The following NBAS variants were observed in gnomAD, a reference collection of about 807,000 sequenced individuals.
The protein encoded by NBAS is NAG/BC035112 fusion.
Under a neutral mutation model 302.5 loss-of-function variants are expected in NBAS, and 219 were observed. That is an observed-to-expected ratio of 0.72 (90% CI 0.65 to 0.81). The LOEUF (loss-of-function observed/expected upper bound fraction) is 0.81. Among genes scored for constraint, NBAS ranks in the 30% least tolerant of loss-of-function variants. The pLI is 0.00. For missense variants in NBAS, 2,932 were observed against 2,841.6 expected, an observed-to-expected ratio of 1.03 and a Z score of -0.72; for synonymous variants, 1,118 against 1,021.6, an observed-to-expected ratio of 1.09 and a Z score of -1.80.
chr2:15,208,166 T>C (rs1666232297), intron 48 of NBAS, among the ~76,000 whole-genome samples: 1 of 152,208 alleles, frequency 6.6e-6, no homozygotes, highest in South Asian at 2.1e-4. Context: ...CAGTTCCATG[T>C]GGCTGGGAAG....
At chr2:15,124,482 A>G in the NBAS span, among the ~76,000 whole-genome samples, 1 of 152,256 alleles carries the variant, frequency 6.6e-6, no homozygotes, top group Admixed American at 6.5e-5. Flanking sequence ...CACTTGCTAG[A>G]GAGATTAGCA....
intron 6 of NBAS, among the ~76,000 whole-genome samples, chr2:15,547,265 TAAC>T (rs1467059801): frequency 6.6e-6 from 1 of 152,234 alleles, no homozygotes; most frequent in African/African-American, 2.4e-5. Flanking sequence ...AAAAATGCAT[TAAC>T]AACAATCTGG....
chr2:15,502,152 G>C (rs151315237), intron 11 of NBAS, among the ~76,000 whole-genome samples: 1 of 152,274 alleles, frequency 6.6e-6, no homozygotes, highest in Admixed American at 6.5e-5. Context: ...ACACATCTCT[G>C]ACACTGGATA....
At chr2:15,447,097 C>T (rs1028145925) in intron 21 of NBAS, among the ~76,000 whole-genome samples, 1 of 152,074 alleles carries the variant, frequency 6.6e-6, no homozygotes, top group African/African-American at 2.4e-5. Flanking sequence ...GACATGTGAA[C>T]AAATGAAAAT....
At chr2:15,145,752 G>A in the NBAS span, among the ~76,000 whole-genome samples, 3 of 152,124 alleles carry the variant, frequency 2.0e-5, no homozygotes, top group East Asian at 5.8e-4. Context: ...CAGTAGCCTC[G>A]GCAGCACCTG....
the NBAS span, among the ~76,000 whole-genome samples, chr2:15,108,561 T>C: frequency 2.7e-3 from 404 of 152,246 alleles, 2 homozygotes; most frequent in Non-Finnish European, 4.3e-3. Flanking sequence ...CCAGGAAAGA[T>C]TGTGACCAAG....
the NBAS span, among the ~76,000 whole-genome samples, chr2:15,074,672 A>G: frequency 6.6e-6 from 1 of 152,090 alleles, no homozygotes; most frequent in African/African-American, 2.4e-5. Context: ...AAAAACATAA[A>G]CAAAACCAAA....
intron 48 of NBAS, among the ~76,000 whole-genome samples, chr2:15,203,287 T>G (rs1665969031): frequency 6.6e-6 from 1 of 152,166 alleles, no homozygotes; most frequent in Admixed American, 6.5e-5. Flanking sequence ...CCACTTTGAG[T>G]CTATTTCCTT....
the NBAS span, among the ~76,000 whole-genome samples, chr2:14,869,258 A>C: frequency 6.6e-6 from 1 of 152,144 alleles, no homozygotes; most frequent in African/African-American, 2.4e-5. Context: ...AGAGCTGCTC[A>C]GAAGTGTGAG....
At chr2:14,969,730 G>A in the NBAS span, among the ~76,000 whole-genome samples, 5 of 152,038 alleles carry the variant, frequency 3.3e-5, no homozygotes, top group Non-Finnish European at 4.4e-5. Flanking sequence ...ATTAGTAAAC[G>A]GTGCTGGAAA....
At chr2:15,387,083 A>G (rs991593797) in intron 28 of NBAS, among the ~76,000 whole-genome samples, 1 of 147,404 alleles carries the variant, frequency 6.8e-6, no homozygotes, top group Admixed American at 6.7e-5. Context: ...TAAAGTATTA[A>G]TTTTTTTTTT....
chr2:15,463,179 T>A (rs1002734494), intron 19 of NBAS, among the ~76,000 whole-genome samples: 122 of 152,160 alleles, frequency 8.0e-4, no homozygotes, highest in African/African-American at 2.9e-3. Flanking sequence ...GAGACTGAGA[T>A]GGGAGGACAG....
At chr2:15,428,439 GA>G (rs1191094049) in intron 21 of NBAS, among the ~76,000 whole-genome samples, 1 of 152,192 alleles carries the variant, frequency 6.6e-6, no homozygotes, top group Non-Finnish European at 1.5e-5. Context: ...ACAACAGAAA[GA>G]AAATCTAGGC....
intron 48 of NBAS, among the ~76,000 whole-genome samples, chr2:15,193,657 T>C (rs1050689009): frequency 1.3e-5 from 2 of 152,168 alleles, no homozygotes; most frequent in South Asian, 2.1e-4. Context: ...GACTTGAGCA[T>C]ATACTTTTAA....
At chr2:14,848,476 G>T in the NBAS span, among the ~76,000 whole-genome samples, 1 of 143,706 alleles carries the variant, frequency 7.0e-6, no homozygotes, top group Admixed American at 6.7e-5. Flanking sequence ...AGATCAAACT[G>T]CAAGGCGGCA....
intron 35 of NBAS, among the ~76,000 whole-genome samples, chr2:15,351,427 C>A (rs1260539695): frequency 1.3e-5 from 2 of 151,952 alleles, no homozygotes; most frequent in East Asian, 3.9e-4. Context: ...CTGTAATCCA[C>A]GCACTTTGGA....
chr2:15,542,583 T>C (rs1489381457), intron 6 of NBAS, among the ~76,000 whole-genome samples: 2 of 148,168 alleles, frequency 1.3e-5, no homozygotes, highest in South Asian at 2.2e-4. Flanking sequence ...CCTGTGACCC[T>C]GCCAAATCCC....
the NBAS span, among the ~76,000 whole-genome samples, chr2:14,990,637 A>C: frequency 2.0e-5 from 3 of 152,012 alleles, no homozygotes; most frequent in Non-Finnish European, 4.4e-5. Flanking sequence ...ATACTTTTTA[A>C]TTTGTATTTT....
At chr2:14,994,771 T>C in the NBAS span, among the ~76,000 whole-genome samples, 1 of 152,228 alleles carries the variant, frequency 6.6e-6, no homozygotes, top group African/African-American at 2.4e-5. Flanking sequence ...GGAACAAGGC[T>C]GTCTTCCTCA....
Sources: allele counts gnomAD v4.1 joint callset (sites outside exome capture counted in the v4.1 genomes callset), GRCh38; gene constraint gnomAD v4.1.1; transcripts MANE v1.5; gene names NCBI Gene and HGNC (gene_info 2026-07-23, HGNC 2026-07-21).